Variants in GATAD2A observed in about 807,000 individuals in gnomAD.
The protein encoded by GATAD2A is GATA zinc finger domain containing 2A, also known as transcriptional repressor p66-alpha.
In GATAD2A, 12 loss-of-function variants were observed where a neutral mutation model predicts 68.5. That is an observed-to-expected ratio of 0.18 (90% CI 0.11 to 0.28). The LOEUF is 0.28. Among genes scored for constraint, GATAD2A ranks in the 10% least tolerant of loss-of-function variants. GATAD2A has a pLI of 1.00. For missense variants in GATAD2A, 755 were observed against 868.5 expected, an observed-to-expected ratio of 0.87 and a Z score of 1.64; for synonymous variants, 410 against 375.3, an observed-to-expected ratio of 1.09 and a Z score of -1.07.
chr19:19,493,700 G>A (rs554943809), intron 4 of GATAD2A, among the ~76,000 whole-genome samples: 48 of 152,220 alleles, frequency 3.2e-4, no homozygotes, highest in African/African-American at 1.1e-3. Context: ...CTGGCTTGGG[G>A]TTTGTTTTTT....
At chr19:19,395,419 C>T (rs1018890803) in intron 1 of GATAD2A, among the ~76,000 whole-genome samples, 1 of 151,908 alleles carries the variant, frequency 6.6e-6, no homozygotes, top group South Asian at 2.1e-4. Context: ...CATGCCACTG[C>T]ACTCCAGCCT....
At position 19,465,525 on chromosome 19, in the gene GATAD2A, G is replaced by A. The variant is rs1211836094; in HGVS notation, c.180G>A (p.Leu60=). 1.2e-6 allele frequency: 2 copies of A among 1,613,930 alleles called. No homozygotes were observed. The highest frequency in any genetic ancestry group is 1.1e-5 in the South Asian group (1 of 91,090). ...CGGGAGCAGGTCCAACCCAAGGATT[G>A]CTGAGGGCAACAGAGGCCACGGCCA... ...PEPGAGPTQG[L]LRATEATAMA... The change falls in exon 2 of 12, where the codon TTG becomes TTA. Residue 60 remains leucine (L), a synonymous_variant. Coordinates refer to ENST00000683918, the MANE Select transcript of GATAD2A (RefSeq NM_001384528.1).
Position 19,505,364 on chromosome 19 carries a change from A to G in GATAD2A, c.1795A>G (p.Ser599Gly). Reference protein sequence around the residue: ...LSTGGTLAFVSPSLAVHKSSS... With the variant: ...LSTGGTLAFVGPSLAVHKSSS... ...TGCAGGCGGGACCCTTGCGTTTGTC[A>G]GCCCAAGCCTGGCGGTGCACAAGAG... Residue 599 changes from serine to glycine, a missense_variant, in exon 12 of 12, where the codon AGC (serine) becomes GGC (glycine). By Grantham distance (56) the Ser-to-Gly change is moderately conservative. Transcript: ENST00000683918. 6.2e-7 allele frequency: 1 copy of G among 1,613,186 alleles called. No individual in the cohort carries two copies. The highest frequency in any genetic ancestry group is 1.3e-5 in the African/African-American group (1 of 74,986).
At chr19:19,442,492 T>C (rs1351991316) in intron 1 of GATAD2A, among the ~76,000 whole-genome samples, 1 of 151,990 alleles carries the variant, frequency 6.6e-6, no homozygotes, top group Non-Finnish European at 1.5e-5. Flanking sequence ...TGGGTGATAG[T>C]GACGCACGCC....
chr19:19,466,075 C>T (rs541157860), intron 2 of GATAD2A, among the ~76,000 whole-genome samples: 10 of 152,350 alleles, frequency 6.6e-5, no homozygotes, highest in South Asian at 2.1e-4. Context: ...CTCCTCGGAG[C>T]GGGTACGGGA....
chr19:19,484,390 C>T (rs937784446), intron 2 of GATAD2A, among the ~76,000 whole-genome samples: 4 of 152,064 alleles, frequency 2.6e-5, no homozygotes, highest in African/African-American at 9.7e-5. Context: ...GAACTATGAT[C>T]ACACCATTGC....
At chr19:19,463,318 T>C (rs2057609874) in intron 1 of GATAD2A, among the ~76,000 whole-genome samples, 1 of 152,072 alleles carries the variant, frequency 6.6e-6, no homozygotes, top group Non-Finnish European at 1.5e-5. Context: ...AACCTGTTAG[T>C]GAGCAGTTCA....
At chr19:19,422,562 G>C (rs1040428603) in intron 1 of GATAD2A, among the ~76,000 whole-genome samples, 51 of 152,196 alleles carry the variant, frequency 3.4e-4, no homozygotes, top group African/African-American at 1.2e-3. Context: ...GGGGATAGTG[G>C]TGAGGACAGT....
chr19:19,392,693 T>C (rs2048935583), intron 1 of GATAD2A, among the ~76,000 whole-genome samples: 1 of 93,476 alleles, frequency 1.1e-5, no homozygotes, highest in Non-Finnish European at 2.3e-5. Flanking sequence ...TCCGGTCAAG[T>C]TTTTTTTTTT....
At chr19:19,502,625 A>G (rs975646027) in intron 11 of GATAD2A, 99 bp downstream of exon 11, 64 of 934,802 alleles carry the variant, frequency 6.8e-5, no homozygotes, top group Non-Finnish European at 9.8e-5. Context: ...GTGAACCCCC[A>G]GGCCCGCTTC....
chr19:19,438,254 C>T (rs2054595455), intron 1 of GATAD2A, among the ~76,000 whole-genome samples: 1 of 152,188 alleles, frequency 6.6e-6, no homozygotes, highest in Admixed American at 6.5e-5. Context: ...GTTGGCTCAC[C>T]TCCTTTTTGG....
chr19:19,417,914 G>A (rs916829379), intron 1 of GATAD2A, among the ~76,000 whole-genome samples: 1 of 152,180 alleles, frequency 6.6e-6, no homozygotes, highest in African/African-American at 2.4e-5. Flanking sequence ...AGCCCCAGGG[G>A]TGTCTGGTTG....
intron 1 of GATAD2A, among the ~76,000 whole-genome samples, chr19:19,420,717 T>A (rs2052315781): frequency 6.6e-6 from 1 of 151,958 alleles, no homozygotes; most frequent in South Asian, 2.1e-4. Flanking sequence ...CATGAAGTGC[T>A]GATAACAGTG....
At chr19:19,393,401 C>T (rs2048992333) in intron 1 of GATAD2A, among the ~76,000 whole-genome samples, 1 of 152,140 alleles carries the variant, frequency 6.6e-6, no homozygotes, top group Non-Finnish European at 1.5e-5. Flanking sequence ...GTGCAATTTA[C>T]ATTACATTAA....
intron 7 of GATAD2A, among the ~76,000 whole-genome samples, chr19:19,497,615 C>CT (rs1332144520): frequency 2.6e-5 from 4 of 152,092 alleles, no homozygotes; most frequent in Non-Finnish European, 5.9e-5. Flanking sequence ...GGGAACCTTT[C>CT]TTGGGGGGTG....
intron 2 of GATAD2A, among the ~76,000 whole-genome samples, chr19:19,480,015 T>C (rs935921836): frequency 7.2e-5 from 11 of 151,900 alleles, no homozygotes; most frequent in African/African-American, 2.7e-4. Flanking sequence ...CCAAGTTGGC[T>C]AGGCTGGTCT....
chr19:19,484,525 T>TTTTTC (rs1368853019), intron 2 of GATAD2A, among the ~76,000 whole-genome samples: 1 of 146,794 alleles, frequency 6.8e-6, no homozygotes, highest in African/African-American at 2.5e-5. Flanking sequence ...TTTCTTTTTT[T>TTTTTC]TTTTTTCTTT....
At chr19:19,503,670 GTGTT>G (rs2060694829) in intron 11 of GATAD2A, among the ~76,000 whole-genome samples, 1 of 151,814 alleles carries the variant, frequency 6.6e-6, no homozygotes, top group Admixed American at 6.6e-5. Flanking sequence ...GTGTGTGTGT[GTGTT>G]TAAAGTTTGA....
chr19:19,505,827 C>T lies in GATAD2A; in HGVS notation c.*353C>T, dbSNP rs1040316430. The T allele has an allele frequency of 2.3e-5, 10 of 436,618 alleles. No homozygotes were observed. The highest frequency in any genetic ancestry group is 2.8e-5 in the Non-Finnish European group (7 of 250,350). The allele number at this position is 436,618 out of a possible 1,614,324, so 27.0% of individuals were successfully genotyped here. A position where few individuals can be genotyped will look rare whatever the true frequency, so the allele number is the denominator to read the frequency against. On this transcript the variant is annotated 3_prime_UTR_variant, in exon 12 of 12. Coordinates refer to ENST00000683918, the MANE Select transcript of GATAD2A (RefSeq NM_001384528.1). ...TGTTCAGCCCCTGCCGGCACACGGG[C>T]GGCTCACCCTGGACACTGTGATGCG...
Sources: allele counts gnomAD v4.1 joint callset (sites outside exome capture counted in the v4.1 genomes callset), GRCh38; gene constraint gnomAD v4.1.1; transcripts MANE v1.5; gene names NCBI Gene and HGNC (gene_info 2026-07-23, HGNC 2026-07-21).